The following ANK3 variants were observed in gnomAD, a reference collection of about 807,000 sequenced individuals.
ANK3 encodes the protein ankyrin 3.
In ANK3, 57 loss-of-function variants were observed where a neutral mutation model predicts 370.9. The observed-to-expected ratio is 0.15, with a 90% confidence interval of 0.12 to 0.19. The LOEUF (loss-of-function observed/expected upper bound fraction) is 0.19. ANK3 is among the 10% of genes least tolerant of loss of function. The probability of loss-of-function intolerance (pLI) is 1.00; values close to 1 mark genes in which losing one functional copy is unlikely to be tolerated. For synonymous variants in ANK3, 1,929 were observed against 1,946.3 expected (o/e 0.99, Z 0.23); for missense variants, 4,439 against 5,302.1 (o/e 0.84, Z 5.06).
rs113115246 is a variant in ANK3, at chr10:60,668,992, CA to C, written c.58-53769del. Among the ~76,000 whole-genome samples, 965 of 141,906 alleles carry C rather than the reference CA, an allele frequency of 6.8e-3. 8 individuals are homozygous for C. Among genetic ancestry groups the C allele is most frequent in the African/African-American group, 0.021 (802 of 38,782 alleles). 93.1% of individuals were successfully genotyped at this position (141,906 alleles called of 152,430 possible). The stretch of plus-strand genomic sequence containing the variant: ...TGGGTGACAGAGTGAGACTTCATCT[CA>C]AAAAAAAAAAAATTATTCAAACACA... On this transcript the variant is annotated intron_variant, in intron 1 of 43. Transcript: ENST00000373827.
intron 7 of ANK3, among the ~76,000 whole-genome samples, chr10:60,250,630 T>G (rs147101024): frequency 0.11 from 16,348 of 152,138 alleles, 1,261 homozygotes; most frequent in East Asian, 0.3. Flanking sequence ...CTCCCAAAGT[T>G]CTGGGATTAC....
chr10:60,391,485 A>C (rs1029356167), upstream of ANK3, among the ~76,000 whole-genome samples: 4 of 151,822 alleles, frequency 2.6e-5, no homozygotes, highest in African/African-American at 9.7e-5. Context: ...GGCAGAGTAA[A>C]AATTAAAACT....
chr10:60,107,865 TG>T (rs1478338241), intron 27 of ANK3, among the ~76,000 whole-genome samples: 5 of 152,230 alleles, frequency 3.3e-5, no homozygotes, highest in Non-Finnish European at 7.3e-5. Context: ...TAAAGACTTT[TG>T]CTGTCTTAAA....
At chr10:60,042,010 A>G (rs981899671) in intron 43 of ANK3, among the ~76,000 whole-genome samples, 2 of 152,174 alleles carry the variant, frequency 1.3e-5, no homozygotes, top group African/African-American at 4.8e-5. Context: ...TTTCTTTTTC[A>G]CCCCATATGG....
chr10:60,277,317 A>G (rs2098105878), intron 4 of ANK3, among the ~76,000 whole-genome samples: 1 of 152,230 alleles, frequency 6.6e-6, no homozygotes, highest in South Asian at 2.1e-4. Flanking sequence ...GGCCATAGTA[A>G]ATAATTTTGT....
rs764995200 is a variant in ANK3, at chr10:60,300,352, C to T, written c.115-20713G>A. On this transcript the variant is annotated intron_variant, in intron 1 of 43. Coordinates refer to ENST00000280772, the MANE Select transcript of ANK3 (RefSeq NM_020987.5). ...GGAAGCTCTCTCCCTCTTCCACTGC[C>T]ATTCTCTGTGGCCAAGTAAGAAACC... 8 of 1,289,626 alleles carry T rather than the reference C, an allele frequency of 6.2e-6. No individual in the cohort carries two copies. In the South Asian group the frequency reaches 8.6e-5, roughly 14 times the overall value. 79.9% of individuals were successfully genotyped at this position (1,289,626 alleles called of 1,614,324 possible).
At chr10:60,690,709 A>T (rs2079339863) in intron 1 of ANK3, among the ~76,000 whole-genome samples, 1 of 152,208 alleles carries the variant, frequency 6.6e-6, no homozygotes, top group African/African-American at 2.4e-5. Context: ...AAAATAACCA[A>T]AAAATAGTTA....
At chr10:60,290,429 T>C (rs1259499772) in intron 1 of ANK3, among the ~76,000 whole-genome samples, 2 of 152,154 alleles carry the variant, frequency 1.3e-5, no homozygotes, top group Non-Finnish European at 2.9e-5. Flanking sequence ...GTTATCCAGT[T>C]ATTAGAAATA....
chr10:60,037,528 T>A (rs1401543559), intron 43 of ANK3, among the ~76,000 whole-genome samples: 1 of 152,206 alleles, frequency 6.6e-6, no homozygotes, highest in African/African-American at 2.4e-5. Context: ...TTCCACTAAA[T>A]GAGAACATAT....
At chr10:60,719,513 T>G (rs562428708) in intron 1 of ANK3, among the ~76,000 whole-genome samples, 2 of 152,128 alleles carry the variant, frequency 1.3e-5, no homozygotes, top group African/African-American at 4.8e-5. Context: ...ATTATAAAGA[T>G]TTTTTATGTT....
At chr10:60,159,264 G>GAA (rs1418526992) in intron 23 of ANK3, among the ~76,000 whole-genome samples, 2 of 152,002 alleles carry the variant, frequency 1.3e-5, no homozygotes, top group East Asian at 3.9e-4. Context: ...GCCAAAAAAG[G>GAA]AACAGGAATA....
At position 60,114,303 on chromosome 10, in the gene ANK3, G is replaced by T; in HGVS notation, c.2870C>A (p.Ser957Ter). Residue 957 changes from serine to a stop codon, truncating the protein, a stop_gained, in exon 26 of 44, where the codon TCA becomes TAA. Transcript: ENST00000280772. LOFTEE classifies it high-confidence loss of function. ...QHLTFTREFD[S>*]DSLRHYSWAA... ...CCAGCTGTAATGTCTAAGAGAATCT[G>T]AATCAAATTCCCTTGTGAATGTTAG... 6.2e-7 allele frequency: 1 copy of T among 1,605,700 alleles called. No homozygotes were observed. The highest frequency in any genetic ancestry group is 8.5e-7 in the Non-Finnish European group (1 of 1,175,926).
chr10:60,049,550 G>A (rs911239977), intron 42 of ANK3, among the ~76,000 whole-genome samples: 8 of 152,054 alleles, frequency 5.3e-5, no homozygotes, highest in African/African-American at 1.9e-4. Context: ...TTACACCACT[G>A]CACTCCAGCC....
At chr10:60,209,595 A>G (rs1565696411) in intron 9 of ANK3, among the ~76,000 whole-genome samples, 1 of 152,210 alleles carries the variant, frequency 6.6e-6, no homozygotes, top group Non-Finnish European at 1.5e-5. Flanking sequence ...TCAGCCCATC[A>G]GGATATTTCT....
intron 1 of ANK3, among the ~76,000 whole-genome samples, chr10:60,358,217 C>T (rs907463735): frequency 6.6e-6 from 1 of 152,034 alleles, no homozygotes; most frequent in Non-Finnish European, 1.5e-5. Context: ...TAAAATGCTC[C>T]AATATATTGT....
intron 11 of ANK3, 88 bp downstream of exon 11, chr10:60,205,704 C>A: frequency 1.1e-6 from 1 of 936,234 alleles, no homozygotes; most frequent in South Asian, 1.4e-5. Context: ...AACAAACTAG[C>A]TGGTCCCTGG....
intron 23 of ANK3, among the ~76,000 whole-genome samples, chr10:60,152,397 C>A (rs576171138): frequency 6.6e-6 from 1 of 152,102 alleles, no homozygotes; most frequent in South Asian, 2.1e-4. Flanking sequence ...ACTAAACATT[C>A]AAAAATATTT....
At chr10:60,284,300 G>A (rs1190217805) in intron 1 of ANK3, among the ~76,000 whole-genome samples, 1 of 152,090 alleles carries the variant, frequency 6.6e-6, no homozygotes, top group Admixed American at 6.6e-5. Flanking sequence ...CCAGAACTGT[G>A]AGATAATACA....
At chr10:60,573,611 C>T (rs1319371984) in intron 2 of ANK3, among the ~76,000 whole-genome samples, 1 of 152,182 alleles carries the variant, frequency 6.6e-6, no homozygotes, top group Non-Finnish European at 1.5e-5. Flanking sequence ...TATTTCACAC[C>T]TGGGTGGAAA....
Sources: gnomAD v4.1 joint callset for allele counts (sites outside exome capture counted in the v4.1 genomes callset) on GRCh38, gnomAD v4.1.1 for gene constraint, MANE v1.5 for transcripts, NCBI Gene and HGNC (gene_info 2026-07-23, HGNC 2026-07-21) for gene names.